PAPSS2: variants seen among roughly 807,000 people sequenced by gnomAD.
The protein encoded by PAPSS2 is 3'-phosphoadenosine 5'-phosphosulfate synthase 2.
A neutral mutation model predicts 66.5 loss-of-function variants in PAPSS2; 61 were observed. The ratio of observed to expected loss-of-function variants is 0.92; its 90% confidence interval spans 0.75 to 1.14. The LOEUF (loss-of-function observed/expected upper bound fraction) is 1.14, where lower values mean the gene tolerates loss of function less well. PAPSS2 is among the 50% of genes most tolerant of loss of function. The pLI, the probability that PAPSS2 is intolerant of heterozygous loss-of-function variation, is 0.00. For synonymous variants in PAPSS2, 289 were observed against 287.5 expected (o/e 1.01, Z -0.05); for missense variants, 708 against 789.6 (o/e 0.90, Z 1.24).
At chr10:87,710,092 A>T (rs1853445410) in intron 2 of PAPSS2, among the ~76,000 whole-genome samples, 1 of 152,248 alleles carries the variant, frequency 6.6e-6, no homozygotes, top group Non-Finnish European at 1.5e-5. Flanking sequence ...ACAGTTTTCA[A>T]ATGGAATGAG....
intron 1 of PAPSS2, among the ~76,000 whole-genome samples, chr10:87,694,787 G>C (rs1160228789): frequency 3.3e-5 from 5 of 152,184 alleles, no homozygotes; most frequent in Non-Finnish European, 7.3e-5. Context: ...AAATTAACCT[G>C]ATTGTCAACT....
At chr10:87,675,971 CTTTTTTT>C (rs5786787) in intron 1 of PAPSS2, among the ~76,000 whole-genome samples, 13 of 127,960 alleles carry the variant, frequency 1.0e-4, no homozygotes, top group South Asian at 4.8e-4. Context: ...TTCCACATTT[CTTTTTTT>C]TTTTTTTTTT....
At chr10:87,689,680 AAAG>A (rs1422443916) in intron 1 of PAPSS2, among the ~76,000 whole-genome samples, 2,810 of 147,934 alleles carry the variant, frequency 0.019, 154 homozygotes, top group African/African-American at 0.068. Context: ...AAAAAAAAAA[AAAG>A]AAAAAAAAAA....
At chr10:87,681,593 T>G (rs111877994) in intron 1 of PAPSS2, among the ~76,000 whole-genome samples, 1 of 152,196 alleles carries the variant, frequency 6.6e-6, no homozygotes, top group Non-Finnish European at 1.5e-5. Flanking sequence ...AACTGTACAG[T>G]TTAAAGATTC....
chr10:87,712,964 C>CTTT (rs112298562), intron 2 of PAPSS2, 111 bp from the exon 3 acceptor site: 9 of 615,828 alleles, frequency 1.5e-5, no homozygotes, highest in South Asian at 3.8e-5. Flanking sequence ...TTCTTTCTTT[C>CTTT]TTTTTTTTTT....
intron 8 of PAPSS2, among the ~76,000 whole-genome samples, 167 bp from the exon 9 acceptor site, chr10:87,727,117 A>AT (rs1254483334): frequency 6.6e-6 from 1 of 152,230 alleles, no homozygotes; most frequent in Non-Finnish European, 1.5e-5. Flanking sequence ...AGGACTTGTC[A>AT]TTATAGAATC....
chr10:87,702,601 G>A (rs924487570), intron 1 of PAPSS2, among the ~76,000 whole-genome samples: 4 of 152,186 alleles, frequency 2.6e-5, no homozygotes, highest in Non-Finnish European at 4.4e-5. Flanking sequence ...TGGCAATGAG[G>A]GCCAAGTTAA....
intron 1 of PAPSS2, among the ~76,000 whole-genome samples, chr10:87,703,273 TTGCGTG>T (rs1189477625): frequency 1.8e-5 from 2 of 111,630 alleles, no homozygotes; most frequent in African/African-American, 4.0e-5. Flanking sequence ...GACAACAACA[TTGCGTG>T]TGTGTGTGTG....
At chr10:87,696,498 C>T (rs1853236261) in intron 1 of PAPSS2, among the ~76,000 whole-genome samples, 1 of 152,228 alleles carries the variant, frequency 6.6e-6, no homozygotes, top group African/African-American at 2.4e-5. Flanking sequence ...AACAGAATCT[C>T]ACTTGTGATA....
At chr10:87,720,345 C>G (rs1249557788) in intron 7 of PAPSS2, among the ~76,000 whole-genome samples, 2 of 152,134 alleles carry the variant, frequency 1.3e-5, no homozygotes, top group African/African-American at 4.8e-5. Flanking sequence ...CAGGAGGAAG[C>G]CATTTGAAAC....
intron 11 of PAPSS2, 21 bp downstream of exon 11, chr10:87,743,662 G>C: frequency 1.2e-6 from 2 of 1,613,954 alleles, no homozygotes; most frequent in Middle Eastern, 1.7e-4. Context: ...CCCAGAGCTG[G>C]GCTTTGAGAC....
rs1554860706 is a variant in PAPSS2 at position 87,659,881 on chromosome 10, C to CGCTGCTGCTGCTGCTGCCGCT, written c.-84_-83insCGCTGCTGCTGCTGCTGCTGC. 2 of 1,015,338 alleles carry CGCTGCTGCTGCTGCTGCCGCT rather than the reference C, an allele frequency of 2.0e-6. No homozygotes were observed. The highest frequency in any genetic ancestry group is 1.6e-5 in the African/African-American group (1 of 62,364). 62.9% of individuals were successfully genotyped at this position (1,015,338 alleles called of 1,614,324 possible). A position where few individuals can be genotyped will look rare whatever the true frequency, so the allele number is the denominator to read the frequency against. ...ACCTCCTTCCCGGGAGTCCGGCAGC[C>CGCTGCTGCTGCTGCTGCCGCT]GCTGCTGCTGCTGCTGCTGCTGCTG... is the stretch of plus-strand genomic sequence containing the variant. On this transcript the variant is annotated 5_prime_UTR_variant, in exon 1 of 13. Coordinates refer to ENST00000456849, the MANE Select transcript of PAPSS2 (RefSeq NM_001015880.2).
At position 87,675,971 on chromosome 10, in the gene PAPSS2, CTTT is replaced by C. The variant is rs5786787; in HGVS notation, c.27+15983_27+15985del. ...AAAGCTATTTTCCCTTTCCACATTTCTTTTTTTTTTTTTTTTTTTTTTAATGTA... is the reference window on the plus strand; with the variant it reads ...AAAGCTATTTTCCCTTTCCACATTTCTTTTTTTTTTTTTTTTTTTAATGTA... On this transcript the variant is annotated intron_variant, in intron 1 of 12. Transcript: ENST00000456849. Among the ~76,000 whole-genome samples, 34 of 127,930 alleles carry C rather than the reference CTTT, an allele frequency of 2.7e-4. 1 individual carries two copies. Among genetic ancestry groups the C allele is most frequent in the Non-Finnish European group, 2.8e-4 (17 of 61,358 alleles). 83.9% of individuals were successfully genotyped at this position (127,930 alleles called of 152,430 possible). A position where few individuals can be genotyped will look rare whatever the true frequency, so the allele number is the denominator to read the frequency against.
chr10:87,733,072 C>CA lies in PAPSS2; in HGVS notation c.1086+5588dup, dbSNP rs1589441347. Among the ~76,000 whole-genome samples the CA allele has an allele frequency of 2.6e-5, 4 of 152,316 alleles. No individual in the cohort carries two copies. In the East Asian group the frequency reaches 7.7e-4, roughly 29 times the overall value. On this transcript the variant is annotated intron_variant, in intron 9 of 12. Coordinates refer to ENST00000456849, the MANE Select transcript of PAPSS2 (RefSeq NM_001015880.2). ...TCCTTTTTTAGCACTCTGAAACCCA[C>CA]AAAAACACTTTAACACAGGTTTTTA... is the stretch of plus-strand genomic sequence containing the variant.
intron 12 of PAPSS2, 68 bp downstream of exon 12, chr10:87,745,299 C>T: frequency 7.4e-7 from 1 of 1,351,034 alleles, no homozygotes; most frequent in African/African-American, 1.4e-5. Flanking sequence ...AGAATTTGGG[C>T]CCTTTGAAAA....
chr10:87,693,863 G>T (rs1213833557), intron 1 of PAPSS2, among the ~76,000 whole-genome samples: 1 of 152,148 alleles, frequency 6.6e-6, no homozygotes, highest in African/African-American at 2.4e-5. Flanking sequence ...CTGTGGTGGG[G>T]CCTAGAAGAA....
chr10:87,741,179 C>T, intron 9 of PAPSS2, 56 bp from the exon 10 acceptor site: 1 of 1,579,870 alleles, frequency 6.3e-7, no homozygotes, highest in Non-Finnish European at 8.7e-7. Flanking sequence ...GAAAACTTTT[C>T]AGATAAAATA....
rs1217703296 is a variant in PAPSS2 at position 87,689,166 on chromosome 10, C to G, written c.28-20030C>G. On this transcript the variant is annotated intron_variant, in intron 1 of 12. Coordinates refer to ENST00000456849, the MANE Select transcript of PAPSS2 (RefSeq NM_001015880.2). ...GATCAGCCTGACCAACATGGAGAAA[C>G]CCCGTCCCCACTAAAAATACAAAAT... Among the ~76,000 whole-genome samples the G allele has an allele frequency of 6.0e-5, 9 of 151,230 alleles. No individual in the cohort carries two copies. The South Asian group carries it at 1.3e-3, about 21-fold the overall frequency.
intron 1 of PAPSS2, among the ~76,000 whole-genome samples, chr10:87,692,096 G>A (rs7092392): frequency 0.056 from 8,536 of 152,176 alleles, 798 homozygotes; most frequent in African/African-American, 0.19. Context: ...GCTGAAATTT[G>A]CAAGACTTGA....
Sources: gnomAD v4.1 joint callset for allele counts (sites outside exome capture counted in the v4.1 genomes callset) on GRCh38, gnomAD v4.1.1 for gene constraint, MANE v1.5 for transcripts, NCBI Gene and HGNC (gene_info 2026-07-23, HGNC 2026-07-21) for gene names.